The following C11orf71 variants were observed in gnomAD, a reference collection of about 807,000 sequenced individuals.
C11orf71 encodes chromosome 11 open reading frame 71, also known as uncharacterized protein C11orf71.
For synonymous variants in C11orf71, 72 were observed against 73.4 expected (o/e 0.98, Z 0.09); for missense variants, 179 against 167.6 (o/e 1.07, Z -0.38).
At chr11:114,394,632 T>A (rs927753521), downstream of C11orf71, among the ~76,000 whole-genome samples, 2 of 151,860 alleles carry the variant, frequency 1.3e-5, no homozygotes, top group Non-Finnish European at 1.5e-5. Context: ...ATGGTCTCCA[T>A]CTCCTGACCT....
chr11:114,397,015 A>G (rs1177201284), downstream of C11orf71, among the ~76,000 whole-genome samples: 1 of 152,148 alleles, frequency 6.6e-6, no homozygotes, highest in African/African-American at 2.4e-5. Flanking sequence ...AAAATAACAC[A>G]ACTCTTCTTT....
rs1197761176 is a variant in C11orf71 at position 114,400,339 on chromosome 11, C to T, written c.-8G>A. On this transcript the variant is annotated 5_prime_UTR_variant, in exon 1 of 1. Transcript: ENST00000623205. ...CACATTGTTCAGGGCCATATTCAAA[C>T]ACTGCCCGCAGTACTTGCGTTACGT... 1.1e-5 allele frequency: 18 copies of T among 1,595,096 alleles called. No homozygotes were observed. The highest frequency in any genetic ancestry group is 1.7e-4 in the Middle Eastern group (1 of 5,998).
chr11:114,395,999 G>C (rs1201020408), downstream of C11orf71, among the ~76,000 whole-genome samples: 1 of 152,196 alleles, frequency 6.6e-6, no homozygotes, highest in Non-Finnish European at 1.5e-5. Context: ...CTGGGCTCAA[G>C]GGATTCTCCC....
downstream of C11orf71, among the ~76,000 whole-genome samples, chr11:114,398,085 C>G (rs1156633276): frequency 4.1e-4 from 63 of 152,130 alleles, 1 homozygote; most frequent in Admixed American, 4.1e-3. Context: ...TAATTCATTA[C>G]CTTTTGAGGT....
At chr11:114,396,871 C>T (rs1450941324), downstream of C11orf71, among the ~76,000 whole-genome samples, 2 of 152,206 alleles carry the variant, frequency 1.3e-5, no homozygotes, top group African/African-American at 2.4e-5. Context: ...TTTCACCCTC[C>T]TTTCTTCTTC....
At chr11:114,391,593 G>A (rs1057175762) in exon 2 of C11orf71, 2 of 1,532,706 alleles carry the variant, frequency 1.3e-6, no homozygotes, top group Non-Finnish European at 1.8e-6. Context: ...AAAAATATTT[G>A]AATGGCTGCA....
At chr11:114,396,378 C>T (rs1946131282), downstream of C11orf71, among the ~76,000 whole-genome samples, 2 of 152,194 alleles carry the variant, frequency 1.3e-5, no homozygotes, top group South Asian at 2.1e-4. Flanking sequence ...GGCCTCATGC[C>T]TTTTTTTCAA....
Position 114,400,219 on chromosome 11 carries a change from C to A in C11orf71, c.113G>T (p.Gly38Val), listed in dbSNP as rs760519922. The A allele has an allele frequency of 1.2e-6, 2 of 1,612,612 alleles. No individual in the cohort carries two copies. Among genetic ancestry groups the A allele is most frequent in the African/African-American group, 2.7e-5 (2 of 74,914 alleles). Residue 38 changes from glycine to valine, a missense_variant, in exon 1 of 1, where the codon GGA becomes GTA. Gly to Val is a moderately radical substitution (Grantham distance 109). Transcript: ENST00000623205. Reference protein sequence around the residue: ...PRASALAMVSGDGFLVSRPEA... With the variant: ...PRASALAMVSVDGFLVSRPEA... ...AGGCCTGGAAACGAGGAAGCCGTCTCCGGAGACCATCGCCAACGCTGACGC... is the reference window on the plus strand; with the variant it reads ...AGGCCTGGAAACGAGGAAGCCGTCTACGGAGACCATCGCCAACGCTGACGC...
At chr11:114,391,752 A>G (rs912354285) in intron 1 of C11orf71, 8 of 551,916 alleles carry the variant, frequency 1.4e-5, no homozygotes, top group Non-Finnish European at 2.2e-5. Flanking sequence ...ATTCAAATTT[A>G]TTTTATTTCT....
At position 114,400,367 on chromosome 11, in the gene C11orf71, C is replaced by A; in HGVS notation, c.-36G>T. ...TGCCCGCAGTACTTGCGTTACGTCC[C>A]TTTGTGAAGGCAGGCCCTTCGCGGC... On this transcript the variant is annotated 5_prime_UTR_variant, in exon 1 of 1. It adds an upstream start codon to the 5' untranslated region. Coordinates refer to ENST00000623205, the MANE Select transcript of C11orf71 (RefSeq NM_001271562.2). The A allele has an allele frequency of 6.4e-7, 1 of 1,560,158 alleles. No individual in the cohort carries two copies. Among genetic ancestry groups the A allele is most frequent in the East Asian group, 2.3e-5 (1 of 43,704 alleles).
chr11:114,398,420 G>C (rs554696401), downstream of C11orf71: 1 of 124,090 alleles, frequency 8.1e-6, no homozygotes, highest in Admixed American at 7.9e-5. Flanking sequence ...TATGACCTTG[G>C]AAAGTTTATC....
chr11:114,399,989 C>G lies in C11orf71; in HGVS notation c.343G>C (p.Gly115Arg), dbSNP rs368103170. ...ACTGAAATTCGAGCTGCGATAACAC[C>G]TCCTAATGCAATCAAACGCTGTTGC... ...VLQQRLIALG[G>R]VIAARISV The change falls in exon 1 of 1, where the codon GGT becomes CGT. Residue 115 changes from glycine to arginine, a missense_variant. Coordinates refer to ENST00000623205, the MANE Select transcript of C11orf71 (RefSeq NM_001271562.2). The G allele has an allele frequency of 2.5e-6, 4 of 1,610,560 alleles. No individual in the cohort carries two copies. Among genetic ancestry groups the G allele is most frequent in the Non-Finnish European group, 3.4e-6 (4 of 1,177,234 alleles).
At chr11:114,394,161 T>C (rs1946093948), downstream of C11orf71, among the ~76,000 whole-genome samples, 1 of 149,772 alleles carries the variant, frequency 6.7e-6, no homozygotes, top group Non-Finnish European at 1.5e-5. Flanking sequence ...TTTGTATTTT[T>C]GGTAGAGACG....
chr11:114,399,546 G>A lies in C11orf71; in HGVS notation c.*414C>T, dbSNP rs1354136660. On this transcript the variant is annotated 3_prime_UTR_variant, in exon 1 of 1. Transcript: ENST00000623205. ...GTTTGTAGACATATCTGAAAAAAGTGAAGGGGGAGATGGAAGATGGTAAAT... is the reference window on the plus strand; with the variant it reads ...GTTTGTAGACATATCTGAAAAAAGTAAAGGGGGAGATGGAAGATGGTAAAT... The A allele has an allele frequency of 6.1e-6, 1 of 164,190 alleles. No individual in the cohort carries two copies. Among genetic ancestry groups the A allele is most frequent in the East Asian group, 1.8e-4 (1 of 5,522 alleles). 10.2% of individuals were successfully genotyped at this position (164,190 alleles called of 1,614,324 possible). A position where few individuals can be genotyped will look rare whatever the true frequency, so the allele number is the denominator to read the frequency against.
chr11:114,392,522 A>G (rs1946080141), intron 1 of C11orf71, among the ~76,000 whole-genome samples: 1 of 110,740 alleles, frequency 9.0e-6, no homozygotes, highest in South Asian at 3.6e-4. Context: ...TAGGTGATAG[A>G]ATGAGACAAA....
chr11:114,397,352 G>A (rs984586045), downstream of C11orf71, among the ~76,000 whole-genome samples: 2 of 152,130 alleles, frequency 1.3e-5, no homozygotes, highest in African/African-American at 4.8e-5. Flanking sequence ...AGTTGTCCCT[G>A]CTTTAGATAA....
chr11:114,392,902 C>A (rs988145259), intron 1 of C11orf71, among the ~76,000 whole-genome samples: 1 of 152,178 alleles, frequency 6.6e-6, no homozygotes, highest in Non-Finnish European at 1.5e-5. Context: ...CTACATAGTT[C>A]TGTGCCTTTA....
rs371698823 is a variant in C11orf71 at position 114,400,024 on chromosome 11, C to T, written c.308G>A (p.Arg103Lys). ...AATCAAACGCTGTTGCAGCACACTT[C>T]TTAGGAGATCGGGTTCAACGGCAGG... Reference protein sequence around the residue: ...PIPAVEPDLLRSVLQQRLIAL... With the variant: ...PIPAVEPDLLKSVLQQRLIAL... The change falls in exon 1 of 1, where the codon AGA becomes AAA. Residue 103 changes from arginine (R) to lysine (K), a missense_variant. Transcript: ENST00000623205. 1.9e-6 allele frequency: 3 copies of T among 1,614,038 alleles called. No homozygotes were observed. The highest frequency in any genetic ancestry group is 2.5e-6 in the Non-Finnish European group (3 of 1,179,888).
At chr11:114,394,218 C>CTTT (rs1224127229), downstream of C11orf71, among the ~76,000 whole-genome samples, 2 of 55,466 alleles carry the variant, frequency 3.6e-5, no homozygotes, top group Non-Finnish European at 6.1e-5. Context: ...CTTTTCTTTT[C>CTTT]TTTTCTTTTC....
Sources: gnomAD v4.1 joint callset for allele counts (sites outside exome capture counted in the v4.1 genomes callset) on GRCh38, gnomAD v4.1.1 for gene constraint, MANE v1.5 for transcripts, NCBI Gene and HGNC (gene_info 2026-07-23, HGNC 2026-07-21) for gene names.